STK24: variants seen among roughly 807,000 people sequenced by gnomAD.
The protein encoded by STK24 is serine/threonine-protein kinase 24.
STK24 carries 21 observed loss-of-function variants against 55.6 expected under a neutral mutation model. The ratio of observed to expected loss-of-function variants is 0.38; its 90% CI spans 0.27 to 0.54. The LOEUF (loss-of-function observed/expected upper bound fraction) is 0.54. Ranked by LOEUF, STK24 falls within the 20% of genes least tolerant of loss-of-function variation. The pLI is 0.79. For missense variants in STK24, 383 were observed against 538.4 expected, an observed-to-expected ratio of 0.71 and a Z score of 2.86; for synonymous variants, 200 against 215.2, an observed-to-expected ratio of 0.93 and a Z score of 0.62.
At chr13:98,519,544 T>C (rs1173227957) in intron 1 of STK24, 71 bp from the exon 2 acceptor site, 26 of 1,208,438 alleles carry the variant, frequency 2.2e-5, no homozygotes, top group Admixed American at 5.4e-5. Flanking sequence ...GTCAATTTTA[T>C]GTGTAATGTT....
At chr13:98,462,023 A>G in intron 7 of STK24, 126 bp from the exon 8 acceptor site, 2 of 1,177,460 alleles carry the variant, frequency 1.7e-6, no homozygotes, top group South Asian at 1.4e-5. Context: ...GTCCCCACCC[A>G]TCACACCCTT....
chr13:98,552,281 A>G (rs1897176829), intron 1 of STK24, among the ~76,000 whole-genome samples: 1 of 152,178 alleles, frequency 6.6e-6, no homozygotes, highest in African/African-American at 2.4e-5. Flanking sequence ...GACCACCCAC[A>G]GGAACAAGGA....
chr13:98,571,078 T>C (rs544789858), intron 1 of STK24, among the ~76,000 whole-genome samples: 1 of 151,912 alleles, frequency 6.6e-6, no homozygotes, highest in East Asian at 1.9e-4. Context: ...TCATCGGGAG[T>C]AATCGCCCAA....
At chr13:98,534,773 G>A (rs911101678) in intron 1 of STK24, among the ~76,000 whole-genome samples, 18 of 151,990 alleles carry the variant, frequency 1.2e-4, no homozygotes, top group Admixed American at 4.6e-4. Flanking sequence ...TTCCATCTCC[G>A]ACCCAACCAA....
At chr13:98,473,143 C>A (rs551477707) in intron 5 of STK24, among the ~76,000 whole-genome samples, 116 of 149,716 alleles carry the variant, frequency 7.7e-4, no homozygotes, top group Non-Finnish European at 1.4e-3. Context: ...GACTTTTGTT[C>A]TTGTCTACTC....
At chr13:98,566,859 C>T (rs936741573) in intron 1 of STK24, among the ~76,000 whole-genome samples, 2 of 152,228 alleles carry the variant, frequency 1.3e-5, no homozygotes, top group Non-Finnish European at 2.9e-5. Context: ...ATCCATCACA[C>T]ATACCACAGG....
chr13:98,564,952 T>C (rs1403854108), intron 1 of STK24, among the ~76,000 whole-genome samples: 1 of 152,200 alleles, frequency 6.6e-6, no homozygotes, highest in Non-Finnish European at 1.5e-5. Context: ...TATAAATACA[T>C]GCTAAAATCG....
chr13:98,497,784 G>C (rs903801589), intron 2 of STK24, among the ~76,000 whole-genome samples: 1 of 152,204 alleles, frequency 6.6e-6, no homozygotes, highest in African/African-American at 2.4e-5. Context: ...TGGATACCAG[G>C]ATGTACAGAG....
intron 2 of STK24, among the ~76,000 whole-genome samples, chr13:98,503,952 CCACCTCCTA>C: frequency 6.6e-6 from 1 of 152,286 alleles, no homozygotes; most frequent in South Asian, 2.1e-4. Context: ...GAATCTGCCT[CCACCTCCTA>C]CACCTGCGAT....
rs564419791 is a variant in STK24, at chr13:98,548,683, G to A, written c.42+28062C>T. Among the ~76,000 whole-genome samples, 622 of 151,994 alleles carry A rather than the reference G, an allele frequency of 4.1e-3. 1 individual carries two copies. The highest frequency in any genetic ancestry group is 0.01 in the Middle Eastern group (3 of 294). Reference sequence around the variant, plus strand: ...TCGAGACCACCCTGGCCAACATGGCGAAACTTTGTCTCTACTAAAATTACA... The same window carrying A: ...TCGAGACCACCCTGGCCAACATGGCAAAACTTTGTCTCTACTAAAATTACA... On this transcript the variant is annotated intron_variant, in intron 1 of 10. Coordinates refer to ENST00000539966, the MANE Select transcript of STK24 (RefSeq NM_001032296.4).
intron 2 of STK24, among the ~76,000 whole-genome samples, chr13:98,489,877 T>TACA (rs990165752): frequency 3.9e-5 from 6 of 152,112 alleles, no homozygotes; most frequent in Non-Finnish European, 8.8e-5. Flanking sequence ...AGCCACTGCC[T>TACA]ACAACAACAA....
At chr13:98,534,123 A>G (rs1896650341) in intron 1 of STK24, among the ~76,000 whole-genome samples, 1 of 152,198 alleles carries the variant, frequency 6.6e-6, no homozygotes, top group Non-Finnish European at 1.5e-5. Context: ...GGCAAGGCCC[A>G]TGGTCACAAA....
chr13:98,521,166 A>G (rs1896247660), intron 1 of STK24, among the ~76,000 whole-genome samples: 1 of 152,178 alleles, frequency 6.6e-6, no homozygotes, highest in African/African-American at 2.4e-5. Context: ...TTGGCTCCTA[A>G]AACGCTACAC....
chr13:98,528,234 A>T (rs1471728043), intron 1 of STK24, among the ~76,000 whole-genome samples: 2 of 152,178 alleles, frequency 1.3e-5, no homozygotes, highest in African/African-American at 4.8e-5. Flanking sequence ...CAATGTCATG[A>T]CCACACCTAC....
intron 1 of STK24, among the ~76,000 whole-genome samples, chr13:98,528,241 C>T (rs146039123): frequency 4.0e-4 from 61 of 152,332 alleles, no homozygotes; most frequent in African/African-American, 1.4e-3. Flanking sequence ...ATGACCACAC[C>T]TACCTTGCAA....
At chr13:98,538,831 C>T (rs1257039304) in intron 1 of STK24, among the ~76,000 whole-genome samples, 1 of 152,212 alleles carries the variant, frequency 6.6e-6, no homozygotes, top group Non-Finnish European at 1.5e-5. Flanking sequence ...GCCCTGGTGT[C>T]CCTTCTTTCT....
intron 2 of STK24, among the ~76,000 whole-genome samples, chr13:98,511,552 T>C (rs1194558146): frequency 6.6e-6 from 1 of 152,252 alleles, no homozygotes; most frequent in Non-Finnish European, 1.5e-5. Flanking sequence ...AACACCCACA[T>C]GTCCTTCGAT....
At chr13:98,563,674 T>A (rs1050034499) in intron 1 of STK24, among the ~76,000 whole-genome samples, 1 of 151,818 alleles carries the variant, frequency 6.6e-6, no homozygotes, top group African/African-American at 2.4e-5. Context: ...CTGGCTAACA[T>A]GGTGAAACCC....
chr13:98,462,974 G>C (rs1445651887), intron 7 of STK24, among the ~76,000 whole-genome samples: 1 of 152,122 alleles, frequency 6.6e-6, no homozygotes, highest in Admixed American at 6.5e-5. Flanking sequence ...GAACTTCCGG[G>C]GGCAGTGGTC....
Sources: allele counts gnomAD v4.1 joint callset (sites outside exome capture counted in the v4.1 genomes callset), GRCh38; gene constraint gnomAD v4.1.1; transcripts MANE v1.5; gene names NCBI Gene and HGNC (gene_info 2026-07-23, HGNC 2026-07-21).